The following CCDC178 variants were observed in gnomAD, a reference collection of about 807,000 sequenced individuals.
The protein encoded by CCDC178 is coiled-coil domain containing 178.
In CCDC178, 126 loss-of-function variants were observed where a neutral mutation model predicts 117.4. The observed-to-expected ratio is 1.07, with a 90% confidence interval of 0.93 to 1.24. The LOEUF is 1.24. Ranked by LOEUF, CCDC178 falls within the 50% of genes most tolerant of loss-of-function variation. The probability of loss-of-function intolerance (pLI) is 0.00; values close to 1 mark genes in which losing one functional copy is unlikely to be tolerated. For missense variants in CCDC178, 1,030 were observed against 986.9 expected, an observed-to-expected ratio of 1.04 and a Z score of -0.59; for synonymous variants, 283 against 313.4, an observed-to-expected ratio of 0.90 and a Z score of 1.02.
At chr18:33,425,304 A>T (rs956639256) in intron 2 of CCDC178, among the ~76,000 whole-genome samples, 7 of 151,638 alleles carry the variant, frequency 4.6e-5, no homozygotes, top group Non-Finnish European at 1.0e-4. Context: ...CAAAAATTTT[A>T]AAAAAACCTG....
chr18:33,208,293 T>G (rs563110773), intron 20 of CCDC178, among the ~76,000 whole-genome samples: 1 of 152,086 alleles, frequency 6.6e-6, no homozygotes, highest in African/African-American at 2.4e-5. Flanking sequence ...AGGAAATCCA[T>G]TGGTCAGCTC....
At chr18:33,322,125 G>A (rs559410999) in intron 11 of CCDC178, among the ~76,000 whole-genome samples, 9 of 151,816 alleles carry the variant, frequency 5.9e-5, no homozygotes, top group African/African-American at 1.9e-4. Flanking sequence ...CAAAATATAG[G>A]AAGCAAAAAC....
chr18:33,267,020 A>G lies in CCDC178; in HGVS notation c.1305T>C (p.Val435=). Reference sequence around the variant, plus strand: ...AAGAAATAGCTGAAAAATCTTTTGCAACATCAGAAAGCTCAATATCCCATG... The same window carrying G: ...AAGAAATAGCTGAAAAATCTTTTGCGACATCAGAAAGCTCAATATCCCATG... The part of the protein sequence containing the change: ...KKTWDIELSD[V]AKDFSAISLA... The change falls in exon 14 of 23, where the codon GTT becomes GTC. Residue 435 remains valine (V), a synonymous_variant. Transcript: ENST00000383096. 2 of 1,599,828 alleles carry G rather than the reference A, an allele frequency of 1.3e-6. No homozygotes were observed. Among genetic ancestry groups the G allele is most frequent in the Non-Finnish European group, 8.5e-7 (1 of 1,175,894 alleles).
chr18:33,198,268 G>GTC (rs141603978), intron 20 of CCDC178, among the ~76,000 whole-genome samples: 22 of 151,922 alleles, frequency 1.4e-4, no homozygotes, highest in South Asian at 8.3e-4. Context: ...GCCTCTCTCT[G>GTC]TCTCTCTCTC....
chr18:33,363,295 G>C (rs1452038723), intron 6 of CCDC178, among the ~76,000 whole-genome samples: 1 of 151,912 alleles, frequency 6.6e-6, no homozygotes, highest in Non-Finnish European at 1.5e-5. Context: ...TGGCATCTTG[G>C]ACTAAAAACC....
chr18:33,076,722 C>T (rs1174145845), intron 21 of CCDC178, among the ~76,000 whole-genome samples: 1 of 152,190 alleles, frequency 6.6e-6, no homozygotes, highest in Admixed American at 6.5e-5. Context: ...GCATCTAACC[C>T]TGTCATGCTA....
At chr18:33,251,774 C>A (rs763106235) in intron 14 of CCDC178, among the ~76,000 whole-genome samples, 9 of 151,572 alleles carry the variant, frequency 5.9e-5, no homozygotes, top group Non-Finnish European at 8.9e-5. Context: ...TATACTATAA[C>A]CTCTAGGGCC....
At chr18:33,376,775 C>G (rs940054176) in intron 5 of CCDC178, among the ~76,000 whole-genome samples, 2 of 152,114 alleles carry the variant, frequency 1.3e-5, no homozygotes, top group African/African-American at 4.8e-5. Context: ...CTGCAGATAA[C>G]TTGATTTCAT....
At chr18:33,031,776 T>C (rs2056348086) in intron 21 of CCDC178, among the ~76,000 whole-genome samples, 2 of 152,118 alleles carry the variant, frequency 1.3e-5, no homozygotes, top group Non-Finnish European at 2.9e-5. Flanking sequence ...AATATATTTA[T>C]AACAATGTTC....
At chr18:33,340,898 T>C (rs1412330519) in intron 9 of CCDC178, among the ~76,000 whole-genome samples, 1 of 152,024 alleles carries the variant, frequency 6.6e-6, no homozygotes, top group African/African-American at 2.4e-5. Flanking sequence ...AAATGTGGAG[T>C]TGGAGCCCCC....
chr18:33,010,590 G>C (rs954623858), intron 21 of CCDC178, among the ~76,000 whole-genome samples: 1 of 152,130 alleles, frequency 6.6e-6, no homozygotes, highest in African/African-American at 2.4e-5. Flanking sequence ...CTTGTAAACA[G>C]TAATATAGAA....
chr18:33,198,268 GTC>G (rs141603978), intron 20 of CCDC178, among the ~76,000 whole-genome samples: 1 of 151,918 alleles, frequency 6.6e-6, no homozygotes, highest in Non-Finnish European at 1.5e-5. Flanking sequence ...GCCTCTCTCT[GTC>G]TCTCTCTCTC....
chr18:33,157,267 A>G (rs2058412271), intron 20 of CCDC178, among the ~76,000 whole-genome samples: 2 of 152,188 alleles, frequency 1.3e-5, no homozygotes, highest in African/African-American at 4.8e-5. Context: ...CCAGTCATAC[A>G]CATTGAAATG....
At chr18:32,968,528 G>T (rs2054862846) in intron 22 of CCDC178, among the ~76,000 whole-genome samples, 1 of 151,938 alleles carries the variant, frequency 6.6e-6, no homozygotes, top group Admixed American at 6.6e-5. Context: ...CCAGTAGTGG[G>T]ATTGCCAGAT....
At chr18:32,953,616 C>G (rs577120135) in intron 22 of CCDC178, among the ~76,000 whole-genome samples, 1 of 152,138 alleles carries the variant, frequency 6.6e-6, no homozygotes, top group East Asian at 1.9e-4. Flanking sequence ...AGTTGGTTAC[C>G]AAAGTTAAAA....
chr18:33,388,537 T>TTTTTTTTTTTTTTTTTTATAAG (rs2063524675), intron 5 of CCDC178, among the ~76,000 whole-genome samples: 1 of 115,806 alleles, frequency 8.6e-6, no homozygotes, highest in African/African-American at 3.3e-5. Context: ...TTTTTTTTTT[T>TTTTTTTTTTTTTTTTTTATAAG]GAGACGGAGT....
intron 22 of CCDC178, among the ~76,000 whole-genome samples, chr18:32,950,027 C>T (rs2054445314): frequency 6.6e-6 from 1 of 152,174 alleles, no homozygotes; most frequent in African/African-American, 2.4e-5. Context: ...TAAGCTTTTT[C>T]ATTCTCTTAG....
chr18:33,358,724 C>T (rs1195470451), intron 6 of CCDC178, among the ~76,000 whole-genome samples: 1 of 151,594 alleles, frequency 6.6e-6, no homozygotes, highest in Non-Finnish European at 1.5e-5. Context: ...GGAAATTTTT[C>T]TTAAACAAGA....
At chr18:33,099,757 A>C (rs1048365995) in intron 20 of CCDC178, among the ~76,000 whole-genome samples, 1 of 152,034 alleles carries the variant, frequency 6.6e-6, no homozygotes, top group Non-Finnish European at 1.5e-5. Context: ...CAAGTCTGTA[A>C]GAATGATATG....
Sources: gnomAD v4.1 joint callset for allele counts (sites outside exome capture counted in the v4.1 genomes callset) on GRCh38, gnomAD v4.1.1 for gene constraint, MANE v1.5 for transcripts, NCBI Gene and HGNC (gene_info 2026-07-23, HGNC 2026-07-21) for gene names.